The following MAP3K7CL variants were observed in gnomAD, a reference collection of about 807,000 sequenced individuals.
MAP3K7CL encodes the protein MAP3K7 C-terminal-like protein.
In MAP3K7CL, 16 loss-of-function variants were observed where a neutral mutation model predicts 18.6. The ratio of observed to expected loss-of-function variants is 0.86; its 90% CI spans 0.58 to 1.31. The LOEUF is 1.31. Ranked by LOEUF, MAP3K7CL falls within the 50% of genes most tolerant of loss-of-function variation. The pLI, the probability that MAP3K7CL is intolerant of heterozygous loss-of-function variation, is 0.00. For missense variants in MAP3K7CL, 163 were observed against 174.4 expected, an observed-to-expected ratio of 0.93 and a Z score of 0.37; for synonymous variants, 65 against 66.8, an observed-to-expected ratio of 0.97 and a Z score of 0.13.
At chr21:29,137,689 G>A (rs1390041475) in intron 2 of MAP3K7CL, among the ~76,000 whole-genome samples, 1 of 152,154 alleles carries the variant, frequency 6.6e-6, no homozygotes, top group Non-Finnish European at 1.5e-5. Context: ...AGTCCACTGA[G>A]CTGTGGAAGA....
intron 4 of MAP3K7CL, among the ~76,000 whole-genome samples, chr21:29,093,264 A>G (rs1376692071): frequency 6.6e-6 from 1 of 152,226 alleles, no homozygotes; most frequent in East Asian, 1.9e-4. Context: ...GTAAATATCT[A>G]CAGATAGGCT....
intron 2 of MAP3K7CL, among the ~76,000 whole-genome samples, chr21:29,146,759 C>T (rs1473402637): frequency 1.3e-5 from 2 of 152,186 alleles, no homozygotes; most frequent in Non-Finnish European, 2.9e-5. Context: ...TTTTAAACTA[C>T]TTTTAAATGG....
upstream of MAP3K7CL, among the ~76,000 whole-genome samples, chr21:29,083,568 TTA>T (rs3054214): frequency 0.71 from 108,426 of 151,882 alleles, 40,306 homozygotes; most frequent in African/African-American, 0.93. Context: ...ACCATGGTTT[TTA>T]TATTTTATGG....
At chr21:29,134,910 G>T (rs565503423) in intron 2 of MAP3K7CL, among the ~76,000 whole-genome samples, 26 of 152,220 alleles carry the variant, frequency 1.7e-4, no homozygotes, top group African/African-American at 6.0e-4. Context: ...AATTAGCTGG[G>T]CCTGGTGGCG....
intron 4 of MAP3K7CL, among the ~76,000 whole-genome samples, chr21:29,117,951 C>T (rs1214789024): frequency 1.3e-5 from 2 of 151,796 alleles, no homozygotes; most frequent in African/African-American, 4.8e-5. Context: ...TTGTTACAAA[C>T]CAGTTGAATC....
chr21:29,162,770 T>C (rs1355176274), intron 4 of MAP3K7CL, among the ~76,000 whole-genome samples: 1 of 151,752 alleles, frequency 6.6e-6, no homozygotes, highest in Admixed American at 6.6e-5. Flanking sequence ...CTGTTTACAT[T>C]GAAAGCAATG....
At chr21:29,165,283 A>G (rs1239834414) in intron 4 of MAP3K7CL, among the ~76,000 whole-genome samples, 1 of 152,174 alleles carries the variant, frequency 6.6e-6, no homozygotes, top group Admixed American at 6.5e-5. Flanking sequence ...AAAAATAGAC[A>G]GACTCTTAGA....
intron 4 of MAP3K7CL, among the ~76,000 whole-genome samples, chr21:29,123,817 A>G (rs929946661): frequency 6.6e-6 from 1 of 152,160 alleles, no homozygotes. Flanking sequence ...TGGGGTACAC[A>G]CTGGGATATT....
chr21:29,131,310 A>G (rs2146621173), intron 1 of MAP3K7CL: 1 of 152,342 alleles, frequency 6.6e-6, no homozygotes, highest in African/African-American at 2.4e-5. Context: ...TAGCCAAAAG[A>G]GGAGTGCAAC....
Position 29,174,865 on chromosome 21 carries a change from G to A in MAP3K7CL, c.402G>A (p.Gln134=), listed in dbSNP as rs770516516. 1 of 1,614,086 alleles carries A rather than the reference G, an allele frequency of 6.2e-7. No individual in the cohort carries two copies. ...AACAACTGGAGAAACTTCGAATACA[G>A]TATCAGAAGAGGCAGGGCTCGTCCT... The part of the protein sequence containing the change: ...CVEQLEKLRI[Q]YQKRQGSS The change falls in exon 5 of 5, where the codon CAG becomes CAA. Residue 134 remains glutamine (Q), a synonymous_variant. Coordinates refer to ENST00000399928, the MANE Select transcript of MAP3K7CL (RefSeq NM_001286620.2).
chr21:29,092,362 A>C, intron 3 of MAP3K7CL: 3 of 1,555,894 alleles, frequency 1.9e-6, no homozygotes, highest in Non-Finnish European at 2.6e-6. Context: ...TCAGGGAAAA[A>C]AAGAACTGAC....
intron 1 of MAP3K7CL, among the ~76,000 whole-genome samples, chr21:29,132,978 ATACTT>A (rs1287736976): frequency 6.6e-6 from 1 of 152,212 alleles, no homozygotes. Flanking sequence ...TGAAAGTAAA[ATACTT>A]TATATGACCT....
upstream of MAP3K7CL, among the ~76,000 whole-genome samples, chr21:29,083,295 C>T (rs149085311): frequency 1.0e-4 from 9 of 88,020 alleles, no homozygotes; most frequent in East Asian, 1.5e-3. Context: ...CCCTCAATGC[C>T]GTGCAGCACA....
chr21:29,114,378 T>G (rs1859464467), intron 4 of MAP3K7CL, among the ~76,000 whole-genome samples: 3 of 150,380 alleles, frequency 2.0e-5, no homozygotes, highest in Non-Finnish European at 4.4e-5. Flanking sequence ...CTTATTTTGT[T>G]TTTATATTTA....
At chr21:29,091,781 GCCTGTCCATT>G (rs1209114973) in intron 3 of MAP3K7CL, 1 of 701,756 alleles carries the variant, frequency 1.4e-6, no homozygotes, top group South Asian at 1.5e-5. Context: ...ACTGCACCTG[GCCTGTCCATT>G]CTCAAATACA....
chr21:29,171,832 A>G (rs1272083645), intron 4 of MAP3K7CL, among the ~76,000 whole-genome samples: 1 of 148,540 alleles, frequency 6.7e-6, no homozygotes, highest in African/African-American at 2.5e-5. Context: ...AAAAAAAACA[A>G]CACTCCCATA....
chr21:29,129,444 C>T (rs1278513260), upstream of MAP3K7CL, among the ~76,000 whole-genome samples: 1 of 152,184 alleles, frequency 6.6e-6, no homozygotes, highest in East Asian at 1.9e-4. Flanking sequence ...CAGCATGTAG[C>T]CTTTCAAGAT....
intron 4 of MAP3K7CL, among the ~76,000 whole-genome samples, chr21:29,111,391 G>A (rs1305261420): frequency 1.3e-5 from 2 of 152,156 alleles, no homozygotes; most frequent in Non-Finnish European, 2.9e-5. Context: ...TGTGTCAGGT[G>A]GGCTTATGGA....
chr21:29,120,391 T>G (rs529904158), intron 4 of MAP3K7CL, among the ~76,000 whole-genome samples: 10 of 152,228 alleles, frequency 6.6e-5, no homozygotes, highest in African/African-American at 2.4e-4. Flanking sequence ...TCTTACACTT[T>G]ATGAGCTCTG....
Sources: gnomAD v4.1 joint callset for allele counts (sites outside exome capture counted in the v4.1 genomes callset) on GRCh38, gnomAD v4.1.1 for gene constraint, MANE v1.5 for transcripts, NCBI Gene and HGNC (gene_info 2026-07-23, HGNC 2026-07-21) for gene names.